The following EFCAB5 variants were observed in gnomAD, a reference collection of about 807,000 sequenced individuals.
The protein encoded by EFCAB5 is EF-hand calcium binding domain 5.
A neutral mutation model predicts 167.9 loss-of-function variants in EFCAB5; 131 were observed. The ratio of observed to expected loss-of-function variants is 0.78; its 90% CI spans 0.68 to 0.90. The LOEUF (loss-of-function observed/expected upper bound fraction) is 0.90, where lower values mean the gene tolerates loss of function less well. Ranked by LOEUF, EFCAB5 falls within the 40% of genes least tolerant of loss-of-function variation. The pLI is 0.00. For missense variants in EFCAB5, 1,663 were observed against 1,745.2 expected (o/e 0.95, Z 0.84); for synonymous variants, 574 against 602.8 (o/e 0.95, Z 0.70).
In EFCAB5 at chr17:30,051,134, G is replaced by C. The variant is rs772213988; in HGVS notation, c.1217G>C (p.Arg406Pro). 3 of 1,613,834 alleles carry C rather than the reference G, an allele frequency of 1.9e-6. No individual in the cohort carries two copies. The highest frequency in any genetic ancestry group is 2.5e-6 in the Non-Finnish European group (3 of 1,179,838). Reference protein sequence around the residue: ...CDHGKVGFLDRQRTLALLELF... With the variant: ...CDHGKVGFLDPQRTLALLELF... The stretch of plus-strand genomic sequence containing the variant: ...TTTGCTTAGGTAGGGTTTTTGGATC[G>C]GCAGAGGACATTGGCCCTGCTGGAA... The change falls in exon 9 of 23, where the codon CGG (arginine) becomes CCG (proline). Residue 406 changes from arginine to proline, a missense_variant. Physicochemically the swap from Arg to Pro is moderately radical, Grantham distance 103. Coordinates refer to ENST00000394835, the MANE Select transcript of EFCAB5 (RefSeq NM_198529.4).
intron 14 of EFCAB5, among the ~76,000 whole-genome samples, chr17:30,075,170 A>G (rs757431991): frequency 2.0e-5 from 3 of 152,024 alleles, no homozygotes; most frequent in Non-Finnish European, 4.4e-5. Context: ...CCCCCAATGA[A>G]TCCATTAGTT....
At chr17:30,082,428 T>C (rs1331409561) in intron 17 of EFCAB5, among the ~76,000 whole-genome samples, 2 of 145,170 alleles carry the variant, frequency 1.4e-5, no homozygotes, top group African/African-American at 2.6e-5. Context: ...ACTTGCTCTG[T>C]TGCCCAGATT....
intron 22 of EFCAB5, among the ~76,000 whole-genome samples, chr17:30,094,500 G>C (rs1454974180): frequency 1.0e-5 from 1 of 97,630 alleles, no homozygotes; most frequent in Non-Finnish European, 1.9e-5. Context: ...GCAAAATCTT[G>C]TCTCTCCAAA....
intron 14 of EFCAB5, among the ~76,000 whole-genome samples, chr17:30,077,974 C>T (rs572858851): frequency 2.4e-4 from 36 of 152,200 alleles, no homozygotes; most frequent in African/African-American, 7.9e-4. Context: ...GAGGTTTCAC[C>T]AGGCTAGGTG....
At chr17:29,983,058 C>T (rs2068210285) in intron 4 of EFCAB5, among the ~76,000 whole-genome samples, 1 of 152,230 alleles carries the variant, frequency 6.6e-6, no homozygotes, top group South Asian at 2.1e-4. Context: ...AATTTATTTG[C>T]TCATGATTTT....
intron 20 of EFCAB5, among the ~76,000 whole-genome samples, chr17:30,091,125 T>C (rs2071187489): frequency 6.6e-6 from 1 of 152,210 alleles, no homozygotes; most frequent in African/African-American, 2.4e-5. Flanking sequence ...CACTATGTTA[T>C]ACAGCATTAA....
At chr17:30,036,028 A>T (rs2069605536) in intron 8 of EFCAB5, among the ~76,000 whole-genome samples, 1 of 146,960 alleles carries the variant, frequency 6.8e-6, no homozygotes, top group Non-Finnish European at 1.5e-5. Flanking sequence ...ATGCATATAT[A>T]TAACTATATA....
chr17:30,089,495 G>A (rs932070193), intron 19 of EFCAB5, among the ~76,000 whole-genome samples: 3 of 152,126 alleles, frequency 2.0e-5, no homozygotes, highest in African/African-American at 7.2e-5. Context: ...GATGGGGAAA[G>A]GGAAAAGAAA....
chr17:29,961,076 A>G (rs2151558904), intron 3 of EFCAB5, among the ~76,000 whole-genome samples: 1 of 152,256 alleles, frequency 6.6e-6, no homozygotes, highest in Non-Finnish European at 1.5e-5. Flanking sequence ...AAAGCATGAG[A>G]GTTCCAATTT....
At chr17:30,084,284 C>A (rs2071043992) in intron 18 of EFCAB5, among the ~76,000 whole-genome samples, 1 of 152,174 alleles carries the variant, frequency 6.6e-6, no homozygotes, top group African/African-American at 2.4e-5. Flanking sequence ...AGGCCTGGGG[C>A]AGAGCACCCT....
chr17:30,057,399 T>C (rs1359263033), intron 12 of EFCAB5, among the ~76,000 whole-genome samples: 2 of 152,196 alleles, frequency 1.3e-5, no homozygotes, highest in Non-Finnish European at 1.5e-5. Flanking sequence ...TGGCCTATAG[T>C]AGGTTACATT....
intron 19 of EFCAB5, among the ~76,000 whole-genome samples, chr17:30,087,464 A>C (rs761593115): frequency 2.6e-5 from 4 of 152,034 alleles, no homozygotes; most frequent in East Asian, 1.9e-4. Context: ...CCCCCTTGAC[A>C]GGCCCCAGTG....
rs2070156454 is a variant in EFCAB5 at position 30,053,386 on chromosome 17, A to T, written c.1432A>T (p.Ser478Cys). 6.2e-7 allele frequency: 1 copy of T among 1,614,028 alleles called. No homozygotes were observed. Among genetic ancestry groups the T allele is most frequent in the Non-Finnish European group, 8.5e-7 (1 of 1,179,904 alleles). The change falls in exon 10 of 23, where the codon AGC becomes TGC. Residue 478 changes from serine to cysteine, a missense_variant. Ser to Cys is a moderately radical substitution (Grantham distance 112). Coordinates refer to ENST00000394835, the MANE Select transcript of EFCAB5 (RefSeq NM_198529.4). The part of the protein sequence containing the change: ...MNTLLSANHA[S>C]KTQSKLLESP... ...TACATTACTTTCTGCAAATCATGCT[A>T]GCAAAACCCAAAGTAAATTATTAGA...
chr17:29,989,972 C>T (rs965886863), intron 4 of EFCAB5, among the ~76,000 whole-genome samples: 11 of 152,134 alleles, frequency 7.2e-5, no homozygotes, highest in South Asian at 2.1e-4. Flanking sequence ...GGGACACACC[C>T]GATTTCATGC....
At chr17:30,098,306 C>T (rs1294496208) in intron 22 of EFCAB5, among the ~76,000 whole-genome samples, 1 of 151,406 alleles carries the variant, frequency 6.6e-6, no homozygotes, top group Non-Finnish European at 1.5e-5. Context: ...GGGCTGATCG[C>T]TTGAGCCCAG....
chr17:30,028,801 T>G (rs1340454730), intron 7 of EFCAB5, among the ~76,000 whole-genome samples: 2 of 152,214 alleles, frequency 1.3e-5, no homozygotes, highest in Non-Finnish European at 2.9e-5. Context: ...CATTGGCTTG[T>G]AGATGGCTGA....
chr17:30,053,945 A>C lies in EFCAB5; in HGVS notation c.1991A>C (p.Gln664Pro). Reference protein sequence around the residue: ...GPYGEIISEEQEDIGSTSQSR... With the variant: ...GPYGEIISEEPEDIGSTSQSR... ...TATGGAGAGATAATTTCAGAAGAGC[A>C]AGAAGACATAGGCTCAACTTCACAA... Residue 664 changes from glutamine to proline, a missense_variant, in exon 10 of 23, where the codon CAA becomes CCA. Gln to Pro is a moderately conservative substitution (Grantham distance 76, BLOSUM62 -1). Coordinates refer to ENST00000394835, the MANE Select transcript of EFCAB5 (RefSeq NM_198529.4). 6.2e-7 allele frequency: 1 copy of C among 1,614,026 alleles called. No homozygotes were observed. Among genetic ancestry groups the C allele is most frequent in the Non-Finnish European group, 8.5e-7 (1 of 1,179,882 alleles).
chr17:29,970,045 C>A (rs2067917041), intron 4 of EFCAB5, among the ~76,000 whole-genome samples: 2 of 152,154 alleles, frequency 1.3e-5, no homozygotes, highest in East Asian at 1.9e-4. Context: ...TAAAAGAATT[C>A]TTCCATGTTC....
upstream of EFCAB5, among the ~76,000 whole-genome samples, chr17:29,939,325 A>G (rs557694657): frequency 6.6e-6 from 1 of 152,356 alleles, no homozygotes; most frequent in Admixed American, 6.5e-5. Context: ...TATAGAGTAC[A>G]GGCAGAATAG....
Sources: allele counts gnomAD v4.1 joint callset (sites outside exome capture counted in the v4.1 genomes callset), GRCh38; gene constraint gnomAD v4.1.1; transcripts MANE v1.5; gene names NCBI Gene and HGNC (gene_info 2026-07-23, HGNC 2026-07-21).